The following ZNF680 variants were observed in gnomAD, a reference collection of about 807,000 sequenced individuals.
ZNF680 encodes the protein zinc finger protein 680, also known as hypothetical protein FLJ90430.
ZNF680 carries 6 observed loss-of-function variants against 12.1 expected under a neutral mutation model. The observed-to-expected ratio is 0.49, with a 90% CI of 0.27 to 0.98. The LOEUF is 0.98. Among genes scored for constraint, ZNF680 ranks in the 50% least tolerant of loss-of-function variants. The pLI, the probability that ZNF680 is intolerant of heterozygous loss-of-function variation, is 0.12. For missense variants in ZNF680, 561 were observed against 616.3 expected (o/e 0.91, Z 0.95); for synonymous variants, 170 against 199.3 (o/e 0.85, Z 1.24).
At chr7:64,555,029 T>C (rs1787332354) in intron 1 of ZNF680, among the ~76,000 whole-genome samples, 1 of 151,944 alleles carries the variant, frequency 6.6e-6, no homozygotes, top group Non-Finnish European at 1.5e-5. Context: ...TGTACATGAA[T>C]AAAGCAAGTT....
intron 1 of ZNF680, among the ~76,000 whole-genome samples, chr7:64,552,371 T>A (rs1162719035): frequency 6.6e-6 from 1 of 152,186 alleles, no homozygotes; most frequent in Non-Finnish European, 1.5e-5. Context: ...CACTTTTTGA[T>A]GAAAAATTAG....
intron 1 of ZNF680, among the ~76,000 whole-genome samples, chr7:64,554,991 T>TA (rs1343756396): frequency 3.5e-4 from 53 of 151,610 alleles, no homozygotes; most frequent in African/African-American, 1.3e-3. Flanking sequence ...CAATAAATAC[T>TA]AAAAAAATTA....
chr7:64,499,613 C>T, the ZNF680 span, among the ~76,000 whole-genome samples: 1 of 152,024 alleles, frequency 6.6e-6, no homozygotes, highest in East Asian at 1.9e-4. Flanking sequence ...AAAAATTAAC[C>T]GGGTGTGGTG....
intron 3 of ZNF680, among the ~76,000 whole-genome samples, chr7:64,531,193 G>A (rs182896282): frequency 2.6e-5 from 4 of 152,160 alleles, no homozygotes; most frequent in South Asian, 2.1e-4. Flanking sequence ...ACTCAACAGC[G>A]GGTGAAACTT....
At chr7:64,502,289 G>C in the ZNF680 span, among the ~76,000 whole-genome samples, 1 of 152,088 alleles carries the variant, frequency 6.6e-6, no homozygotes, top group African/African-American at 2.4e-5. Context: ...TGGATTACAG[G>C]CATGAGCCAC....
chr7:64,554,905 T>A lies in ZNF680; in HGVS notation c.30+8020A>T, dbSNP rs534920947. On this transcript the variant is annotated intron_variant, in intron 1 of 3. Transcript: ENST00000309683. ...AACCAGAGACCTTTGTTCACATGTT[T>A]ATCTGCTGACCTTCCCTCCACTATT... is the stretch of plus-strand genomic sequence containing the variant. Among the ~76,000 whole-genome samples the A allele has an allele frequency of 1.9e-3, 290 of 152,194 alleles. 2 individuals are homozygous for A. The highest frequency in any genetic ancestry group is 6.8e-3 in the African/African-American group (282 of 41,510).
chr7:64,557,003 C>A (rs1311326880), intron 1 of ZNF680, among the ~76,000 whole-genome samples: 1 of 152,224 alleles, frequency 6.6e-6, no homozygotes, highest in Non-Finnish European at 1.5e-5. Flanking sequence ...GTAATCCGAG[C>A]ACTTTGGGAG....
In ZNF680 at chr7:64,554,008, C is replaced by G. The variant is rs533987517; in HGVS notation, c.30+8917G>C. On this transcript the variant is annotated intron_variant, in intron 1 of 3. Transcript: ENST00000309683. ...TTGCAGCCTCTGCCCGGCCGCCACC[C>G]CGTCTAGGAAGTGAGGAGCGTCTCT... Among the ~76,000 whole-genome samples the G allele has an allele frequency of 3.9e-3, 587 of 151,954 alleles. 4 individuals are homozygous for G. The highest frequency in any genetic ancestry group is 0.013 in the African/African-American group (544 of 41,548).
chr7:64,523,102 CACAT>C (rs979573082), intron 3 of ZNF680, among the ~76,000 whole-genome samples: 92 of 152,038 alleles, frequency 6.1e-4, no homozygotes, highest in Middle Eastern at 6.8e-3. Context: ...AAAAGATATG[CACAT>C]ACAAATAGAA....
chr7:64,541,288 A>T (rs1457262561), intron 3 of ZNF680, among the ~76,000 whole-genome samples: 1 of 152,174 alleles, frequency 6.6e-6, no homozygotes, highest in Non-Finnish European at 1.5e-5. Context: ...AGTACAGAAA[A>T]ATTTGAAATA....
intron 3 of ZNF680, among the ~76,000 whole-genome samples, chr7:64,527,063 C>T (rs759563154): frequency 3.9e-5 from 6 of 152,088 alleles, no homozygotes; most frequent in Non-Finnish European, 8.8e-5. Flanking sequence ...CATGGCGAAA[C>T]CCCTTCTCTA....
the ZNF680 span, among the ~76,000 whole-genome samples, chr7:64,508,140 T>TATATATACATACATATACATAC: frequency 1.4e-3 from 188 of 134,802 alleles, 2 homozygotes; most frequent in African/African-American, 5.3e-3. Context: ...TATATATATA[T>TATATATACATACATATACATAC]ATACATAATT....
At chr7:64,554,342 C>T (rs923527901) in intron 1 of ZNF680, among the ~76,000 whole-genome samples, 2 of 151,960 alleles carry the variant, frequency 1.3e-5, no homozygotes, top group Non-Finnish European at 2.9e-5. Flanking sequence ...GGAGCTCCTC[C>T]GCCTGGCAGC....
At chr7:64,525,481 T>C (rs1378856295) in intron 3 of ZNF680, 1 of 152,260 alleles carries the variant, frequency 6.6e-6, no homozygotes, top group Non-Finnish European at 1.5e-5. Flanking sequence ...TTGTATGAGA[T>C]ATATGAAGCA....
the ZNF680 span, among the ~76,000 whole-genome samples, chr7:64,508,829 G>A: frequency 7.9e-5 from 12 of 152,182 alleles, no homozygotes; most frequent in Non-Finnish European, 1.5e-4. Flanking sequence ...TGTCGTGGAT[G>A]TTTCTGCAAC....
At chr7:64,534,195 C>T (rs1192057072) in intron 3 of ZNF680, among the ~76,000 whole-genome samples, 1 of 152,026 alleles carries the variant, frequency 6.6e-6, no homozygotes, top group East Asian at 1.9e-4. Context: ...AGCTTTTGCA[C>T]AGCAAAAGGA....
Position 64,535,923 on chromosome 7 carries a change from G to A in ZNF680, c.253+7784C>T, listed in dbSNP as rs551622641. Among the ~76,000 whole-genome samples the A allele has an allele frequency of 8.5e-5, 13 of 152,172 alleles. No individual in the cohort carries two copies. In the South Asian group the frequency reaches 1.7e-3, roughly 19 times the overall value. On this transcript the variant is annotated intron_variant, in intron 3 of 3. Coordinates refer to ENST00000309683, the MANE Select transcript of ZNF680 (RefSeq NM_178558.5). ...CACACCACCGCACTCCAGCCTGGGCGACAGAATGAGATTCTGTCTCAAAAA... is the reference window on the plus strand; with the variant it reads ...CACACCACCGCACTCCAGCCTGGGCAACAGAATGAGATTCTGTCTCAAAAA...
chr7:64,544,850 T>C (rs11764842), intron 1 of ZNF680, among the ~76,000 whole-genome samples: 34,339 of 152,140 alleles, frequency 0.23, 4,067 homozygotes, highest in South Asian at 0.28. Flanking sequence ...ATTATGCGGA[T>C]TGTTTTTAGA....
intron 3 of ZNF680, among the ~76,000 whole-genome samples, chr7:64,529,187 C>T (rs138733705): frequency 2.1e-3 from 322 of 152,330 alleles, no homozygotes; most frequent in African/African-American, 6.4e-3. Flanking sequence ...GACCTTCCTT[C>T]TGACAGAGCC....
Sources: allele counts gnomAD v4.1 joint callset (sites outside exome capture counted in the v4.1 genomes callset), GRCh38; gene constraint gnomAD v4.1.1; transcripts MANE v1.5; gene names NCBI Gene and HGNC (gene_info 2026-07-23, HGNC 2026-07-21).